The following PDE4DIP variants were observed in gnomAD, a reference collection of about 807,000 sequenced individuals.
PDE4DIP encodes the protein phosphodiesterase 4D interacting protein.
PDE4DIP carries 59 observed loss-of-function variants against 221.4 expected under a neutral mutation model. The observed-to-expected ratio is 0.27, with a 90% confidence interval of 0.22 to 0.33. The LOEUF is 0.33. Among genes scored for constraint, PDE4DIP ranks in the 10% least tolerant of loss-of-function variants. The pLI, the probability that PDE4DIP is intolerant of heterozygous loss-of-function variation, is 1.00. For missense variants in PDE4DIP, 1,036 were observed against 2,154.2 expected, an observed-to-expected ratio of 0.48 and a Z score of 10.28; for synonymous variants, 404 against 815.9, an observed-to-expected ratio of 0.50 and a Z score of 8.60.
chr1:149,028,602 A>G (rs1484684050), exon 41 of PDE4DIP: 5 of 1,610,128 alleles, frequency 3.1e-6, no homozygotes, highest in Non-Finnish European at 4.2e-6. Flanking sequence ...GAGCAGCACC[A>G]GTGCCCTGCA....
At chr1:148,859,603 G>C (rs1432340109) in intron 1 of PDE4DIP, among the ~76,000 whole-genome samples, 1 of 151,870 alleles carries the variant, frequency 6.6e-6, no homozygotes, top group Non-Finnish European at 1.5e-5. Context: ...ATGGGAGAAA[G>C]ATTATATATG....
Position 148,907,010 on chromosome 1 carries a change from T to C in PDE4DIP, c.141+17116T>C, listed in dbSNP as rs1403112424. ...GTTGCAGTGTGCCAAGATCGCGCCA[T>C]TGCACTCCAGCCTGGACTACAAGAG... On this transcript the variant is annotated intron_variant, in intron 1 of 43. Transcript: ENST00000369354. Among the ~76,000 whole-genome samples the C allele has an allele frequency of 1.3e-5, 2 of 151,496 alleles. 1 individual carries two copies. Among genetic ancestry groups the C allele is most frequent in the African/African-American group, 4.9e-5 (2 of 40,824 alleles).
intron 4 of PDE4DIP, among the ~76,000 whole-genome samples, chr1:148,935,281 G>T (rs1321075251): frequency 2.7e-5 from 4 of 149,972 alleles, no homozygotes; most frequent in Admixed American, 1.3e-4. Flanking sequence ...GACCTGGAAG[G>T]TTCATGTTCC....
At chr1:148,948,129 C>T (rs1553484979) in intron 5 of PDE4DIP, among the ~76,000 whole-genome samples, 1 of 137,230 alleles carries the variant, frequency 7.3e-6, no homozygotes. Flanking sequence ...GGCCATAAAG[C>T]AAGTAAATGC....
chr1:148,990,066 G>A (rs587645925), intron 21 of PDE4DIP: 1 of 233,990 alleles, frequency 4.3e-6, no homozygotes, highest in African/African-American at 2.3e-5. Context: ...TTGATCCAAA[G>A]TTAACATAAA....
chr1:148,943,931 A>T (rs1319188036), intron 5 of PDE4DIP, among the ~76,000 whole-genome samples: 1 of 151,718 alleles, frequency 6.6e-6, no homozygotes, highest in Non-Finnish European at 1.5e-5. Context: ...GGGATTAGCT[A>T]ACTCTCTGAG....
exon 19 of PDE4DIP, chr1:148,978,372 T>C (rs1378338428): frequency 1.2e-6 from 2 of 1,611,726 alleles, no homozygotes; most frequent in Admixed American, 3.3e-5. Flanking sequence ...GTTGCTTCAG[T>C]AGAATCCCAG....
intron 35 of PDE4DIP, among the ~76,000 whole-genome samples, chr1:149,019,874 G>A (rs1553616031): frequency 6.6e-6 from 1 of 152,040 alleles, no homozygotes; most frequent in Non-Finnish European, 1.5e-5. Flanking sequence ...GACGATATGT[G>A]AGCACTTGGA....
intron 21 of PDE4DIP, chr1:148,984,405 A>G (rs1308661395): frequency 6.6e-6 from 1 of 152,152 alleles, no homozygotes; most frequent in Non-Finnish European, 1.5e-5. Flanking sequence ...TTAAGGATCC[A>G]GAAAATCTTA....
At chr1:148,877,066 G>A (rs1281679270) in intron 3 of PDE4DIP, among the ~76,000 whole-genome samples, 2 of 146,098 alleles carry the variant, frequency 1.4e-5, no homozygotes, top group East Asian at 1.9e-4. Flanking sequence ...TTATATTTCA[G>A]TATTCTCTAT....
chr1:148,978,269 G>T lies in PDE4DIP; in HGVS notation c.2437-9G>T. Reference sequence around the variant, plus strand: ...ATTTTCACATCCATACTTATTTTTTGACTTCTAGGACCTGCAAATGCAACT... The same window carrying T: ...ATTTTCACATCCATACTTATTTTTTTACTTCTAGGACCTGCAAATGCAACT... On this transcript the variant is annotated splice_polypyrimidine_tract_variant and intron_variant, in intron 18 of 43. Transcript: ENST00000369354. 6.3e-7 allele frequency: 1 copy of T among 1,579,258 alleles called. No homozygotes were observed. Among genetic ancestry groups the T allele is most frequent in the South Asian group, 1.2e-5 (1 of 86,778 alleles).
Position 148,966,981 on chromosome 1 carries a change from G to A in PDE4DIP, c.1605+5G>A, listed in dbSNP as rs1553519483. On this transcript the variant is annotated splice_donor_5th_base_variant and intron_variant, in intron 12 of 43. Coordinates refer to ENST00000369354, the Ensembl canonical transcript of PDE4DIP. The stretch of plus-strand genomic sequence containing the variant: ...TCCAATGAAGCTACTATGCAAGTAA[G>A]AGCAAAACCTATCTCTGACTTGGTG... The A allele has an allele frequency of 5.3e-6, 8 of 1,520,828 alleles. No individual in the cohort carries two copies. Among genetic ancestry groups the A allele is most frequent in the East Asian group, 4.5e-5 (2 of 44,460 alleles). The allele number at this position is 1,520,828 out of a possible 1,614,324, so 94.2% of individuals were successfully genotyped here.
chr1:148,976,459 A>T (rs2060191394), intron 17 of PDE4DIP, among the ~76,000 whole-genome samples: 1 of 152,148 alleles, frequency 6.6e-6, no homozygotes, highest in Admixed American at 6.5e-5. Flanking sequence ...AGAGTAGAAG[A>T]AGTCACCTTA....
chr1:148,963,690 A>G (rs1553514820), intron 9 of PDE4DIP, among the ~76,000 whole-genome samples: 1 of 151,664 alleles, frequency 6.6e-6, no homozygotes, highest in Non-Finnish European at 1.5e-5. Context: ...TTGAATAATA[A>G]ATATACGATT....
chr1:148,955,523 T>C (rs587765894), intron 5 of PDE4DIP, among the ~76,000 whole-genome samples: 5 of 152,308 alleles, frequency 3.3e-5, no homozygotes, highest in African/African-American at 9.6e-5. Context: ...GGAAAGTTCC[T>C]TGTTTAACTA....
chr1:148,926,813 A>G (rs2046818738), intron 1 of PDE4DIP, among the ~76,000 whole-genome samples: 1 of 150,512 alleles, frequency 6.6e-6, no homozygotes, highest in African/African-American at 2.4e-5. Context: ...AAAGCTGGGG[A>G]CATAGCAACT....
At chr1:148,988,269 C>T (rs1559167641) in intron 21 of PDE4DIP, among the ~76,000 whole-genome samples, 1 of 149,988 alleles carries the variant, frequency 6.7e-6, no homozygotes, top group Non-Finnish European at 1.5e-5. Context: ...TGGACTACTT[C>T]AGTTTACTTA....
chr1:149,032,668 A>C, exon 44 of PDE4DIP: 1 of 226,306 alleles, frequency 4.4e-6, no homozygotes, highest in Non-Finnish European at 8.7e-6. Context: ...AATTGGACTG[A>C]CCTCACTTCA....
At chr1:148,934,035 G>A (rs1415886093) in intron 4 of PDE4DIP, among the ~76,000 whole-genome samples, 1 of 147,508 alleles carries the variant, frequency 6.8e-6, no homozygotes, top group Non-Finnish European at 1.5e-5. Flanking sequence ...TCCAAACCCT[G>A]AAGCCATACT....
Sources: allele counts gnomAD v4.1 joint callset (sites outside exome capture counted in the v4.1 genomes callset), GRCh38; gene constraint gnomAD v4.1.1; transcripts MANE v1.5; gene names NCBI Gene and HGNC (gene_info 2026-07-23, HGNC 2026-07-21).